Variants in BCAT1 observed in about 807,000 individuals in gnomAD.
The protein encoded by BCAT1 is branched chain amino acid transaminase 1, also known as branched-chain-amino-acid aminotransferase, cytosolic.
A neutral mutation model predicts 52.4 loss-of-function variants in BCAT1; 48 were observed. That is an observed-to-expected ratio of 0.92 (90% CI 0.73 to 1.16). BCAT1 has a LOEUF of 1.16. Ranked by LOEUF, BCAT1 falls within the 50% of genes most tolerant of loss-of-function variation. The pLI, the probability that BCAT1 is intolerant of heterozygous loss-of-function variation, is 0.00. For missense variants in BCAT1, 451 were observed against 457.1 expected (o/e 0.99, Z 0.12); for synonymous variants, 167 against 161.3 (o/e 1.04, Z -0.27).
chr12:24,902,865 A>G (rs1943149900), intron 1 of BCAT1: 2 of 1,497,910 alleles, frequency 1.3e-6, no homozygotes, highest in East Asian at 2.8e-5. Flanking sequence ...AAACGGCGAC[A>G]AGGCGCCCGG....
At chr12:24,877,870 C>T (rs1449819009) in intron 5 of BCAT1, among the ~76,000 whole-genome samples, 1 of 152,120 alleles carries the variant, frequency 6.6e-6, no homozygotes, top group African/African-American at 2.4e-5. Flanking sequence ...AGAATCCTCT[C>T]CGGTCAGGTG....
Position 24,812,307 on chromosome 12 carries a change from G to C in BCAT1, c.*5701C>G, listed in dbSNP as rs1282823745. 1 of 97,370 alleles carries C rather than the reference G, an allele frequency of 1.0e-5. No homozygotes were observed. Among genetic ancestry groups the C allele is most frequent in the African/African-American group, 4.0e-5 (1 of 25,240 alleles). 6.0% of individuals were successfully genotyped at this position (97,370 alleles called of 1,614,324 possible). A position where few individuals can be genotyped will look rare whatever the true frequency, so the allele number is the denominator to read the frequency against. On this transcript the variant is annotated 3_prime_UTR_variant, in exon 11 of 11. Transcript: ENST00000261192. Reference sequence around the variant, plus strand: ...CTATCAGGATAGGAGATAGTAAATAGTATCTCTAAGGGAAAAAAGTCACAA... The same window carrying C: ...CTATCAGGATAGGAGATAGTAAATACTATCTCTAAGGGAAAAAAGTCACAA...
At chr12:24,921,771 C>T (rs1943503055) in intron 1 of BCAT1, among the ~76,000 whole-genome samples, 1 of 152,180 alleles carries the variant, frequency 6.6e-6, no homozygotes, top group African/African-American at 2.4e-5. Context: ...TTCCATTAGT[C>T]ACAACTTGAT....
chr12:24,921,635 A>AT, intron 1 of BCAT1, among the ~76,000 whole-genome samples: 1 of 152,238 alleles, frequency 6.6e-6, no homozygotes. Context: ...AGATCTTTGA[A>AT]TTACTTAATA....
intron 1 of BCAT1, among the ~76,000 whole-genome samples, chr12:24,914,506 C>T (rs1943378207): frequency 6.6e-6 from 1 of 152,162 alleles, no homozygotes; most frequent in African/African-American, 2.4e-5. Context: ...AGTCAGGCCT[C>T]TATGAATCAA....
rs1251803002 is a variant in BCAT1 at position 24,814,877 on chromosome 12, G to A, written c.*3131C>T. On this transcript the variant is annotated 3_prime_UTR_variant, in exon 11 of 11. Transcript: ENST00000261192. ...AGAAAAGAATAGAGAATGTTTACCA[G>A]GTAGAAAAAACCTGATTCCTTAACA... 2.0e-5 allele frequency: 3 copies of A among 147,228 alleles called. No homozygotes were observed. The allele number at this position is 147,228 out of a possible 1,614,324, so 9.1% of individuals were successfully genotyped here.
At chr12:24,879,061 A>G (rs1942425444) in intron 4 of BCAT1, among the ~76,000 whole-genome samples, 1 of 152,214 alleles carries the variant, frequency 6.6e-6, no homozygotes, top group Admixed American at 6.5e-5. Context: ...TAGATGATAT[A>G]CTTAAATGTG....
chr12:24,921,938 A>C (rs1436336541), intron 1 of BCAT1, among the ~76,000 whole-genome samples: 3 of 152,208 alleles, frequency 2.0e-5, no homozygotes, highest in Admixed American at 2.0e-4. Context: ...AAACCTCCCA[A>C]AGGACTTCGT....
intron 7 of BCAT1, among the ~76,000 whole-genome samples, chr12:24,837,685 CCA>C (rs1049232205): frequency 1.3e-5 from 2 of 151,964 alleles, no homozygotes; most frequent in African/African-American, 4.8e-5. Flanking sequence ...CTTCGGCCTC[CCA>C]AAGTGCTGAG....
At chr12:24,832,594 A>T in intron 9 of BCAT1, 129 bp downstream of exon 9, 1 of 1,168,784 alleles carries the variant, frequency 8.6e-7, no homozygotes, top group South Asian at 1.7e-5. Flanking sequence ...AAAATAAAGA[A>T]AAACAACAAC....
chr12:24,826,349 GC>G (rs1940398904), intron 10 of BCAT1, among the ~76,000 whole-genome samples: 1 of 152,118 alleles, frequency 6.6e-6, no homozygotes, highest in Non-Finnish European at 1.5e-5. Context: ...TCATTCTTCT[GC>G]ATATAATTAT....
chr12:24,818,153 C>A, intron 10 of BCAT1, 104 bp from the exon 11 acceptor site: 1 of 1,099,178 alleles, frequency 9.1e-7, no homozygotes, highest in Non-Finnish European at 1.4e-6. Flanking sequence ...AGGTTCGCTT[C>A]TGCTTTGAAC....
chr12:24,862,655 G>A (rs1163317609), intron 5 of BCAT1, among the ~76,000 whole-genome samples: 2 of 152,074 alleles, frequency 1.3e-5, no homozygotes, highest in African/African-American at 4.8e-5. Context: ...TCCTCCTATA[G>A]CCTGTTGAAT....
In BCAT1 at chr12:24,817,989, T is replaced by C; in HGVS notation, c.*19A>G. Reference sequence around the variant, plus strand: ...ACAGTTGGTATCCTCTATTTTCCATTGTATCCTCTATTTTCCATTCAGGAT... The same window carrying C: ...ACAGTTGGTATCCTCTATTTTCCATCGTATCCTCTATTTTCCATTCAGGAT... On this transcript the variant is annotated 3_prime_UTR_variant, in exon 11 of 11. Coordinates refer to ENST00000261192, the MANE Select transcript of BCAT1 (RefSeq NM_005504.7). 1 of 1,611,532 alleles carries C rather than the reference T, an allele frequency of 6.2e-7. No homozygotes were observed. The highest frequency in any genetic ancestry group is 8.5e-7 in the Non-Finnish European group (1 of 1,178,040).
intron 1 of BCAT1, among the ~76,000 whole-genome samples, chr12:24,938,483 G>T (rs1943800276): frequency 6.6e-6 from 1 of 152,150 alleles, no homozygotes; most frequent in Admixed American, 6.5e-5. Context: ...AGGTGATGGG[G>T]ACAATGTGGA....
chr12:24,928,872 A>C (rs1943636350), intron 1 of BCAT1, among the ~76,000 whole-genome samples: 1 of 151,852 alleles, frequency 6.6e-6, no homozygotes, highest in Non-Finnish European at 1.5e-5. Flanking sequence ...AGTAGCTGGG[A>C]TTACAGGCAC....
chr12:24,874,591 C>T (rs1942275900), intron 5 of BCAT1, among the ~76,000 whole-genome samples: 2 of 152,340 alleles, frequency 1.3e-5, no homozygotes, highest in South Asian at 4.1e-4. Context: ...AAAAGTTCAG[C>T]TTTCAATGAC....
chr12:24,844,878 CAG>C (rs1486516308), intron 6 of BCAT1, among the ~76,000 whole-genome samples: 1 of 83,198 alleles, frequency 1.2e-5, no homozygotes, highest in African/African-American at 4.6e-5. Context: ...GTCTGAGCGA[CAG>C]AGTGAGACTG....
chr12:24,856,012 G>A lies in BCAT1; in HGVS notation c.511-6063C>T, dbSNP rs549551530. Among the ~76,000 whole-genome samples, 310 of 152,234 alleles carry A rather than the reference G, an allele frequency of 2.0e-3. 1 individual carries two copies. Among genetic ancestry groups the A allele is most frequent in the Middle Eastern group, 3.4e-3 (1 of 294 alleles). On this transcript the variant is annotated intron_variant, in intron 5 of 10. Transcript: ENST00000261192. ...ATTTGGATTTACCTGTAACCTGTAA[G>A]CCCCTACTTCAGGATATCCCACCTT...
Sources: gnomAD v4.1 joint callset for allele counts (sites outside exome capture counted in the v4.1 genomes callset) on GRCh38, gnomAD v4.1.1 for gene constraint, MANE v1.5 for transcripts, NCBI Gene and HGNC (gene_info 2026-07-23, HGNC 2026-07-21) for gene names.